Variants in TRHDE observed in about 807,000 individuals in gnomAD.
TRHDE encodes thyrotropin releasing hormone degrading enzyme, also known as thyrotropin-releasing hormone-degrading ectoenzyme.
Under a neutral mutation model 125.7 loss-of-function variants are expected in TRHDE, and 72 were observed. The ratio of observed to expected loss-of-function variants is 0.57; its 90% CI spans 0.47 to 0.70. The LOEUF is 0.70. Among genes scored for constraint, TRHDE ranks in the 30% least tolerant of loss-of-function variants. The pLI, the probability that TRHDE is intolerant of heterozygous loss-of-function variation, is 0.00. For synonymous variants in TRHDE, 509 were observed against 509.1 expected, an observed-to-expected ratio of 1.00 and a Z score of 0.00; for missense variants, 1,110 against 1,327.1, an observed-to-expected ratio of 0.84 and a Z score of 2.54.
chr12:72,250,770 T>G (rs528921236), intron 2 of TRHDE, among the ~76,000 whole-genome samples: 1 of 149,872 alleles, frequency 6.7e-6, no homozygotes, highest in Admixed American at 6.7e-5. Flanking sequence ...TTAAAGCTAA[T>G]AGTGTATACT....
chr12:72,382,663 T>G (rs1007933169), intron 3 of TRHDE, among the ~76,000 whole-genome samples: 1 of 152,172 alleles, frequency 6.6e-6, no homozygotes, highest in Non-Finnish European at 1.5e-5. Flanking sequence ...TACTGAAGCT[T>G]TGGAAGGAAT....
chr12:72,345,939 A>G (rs1009331796), intron 2 of TRHDE, among the ~76,000 whole-genome samples: 8 of 152,148 alleles, frequency 5.3e-5, no homozygotes, highest in African/African-American at 1.9e-4. Context: ...ATCTGAAAGT[A>G]GAATGCATTT....
intron 2 of TRHDE, among the ~76,000 whole-genome samples, chr12:72,371,268 T>C (rs1282819011): frequency 1.3e-5 from 2 of 151,412 alleles, no homozygotes; most frequent in East Asian, 1.9e-4. Flanking sequence ...CCTTAGGACC[T>C]ATACATACCT....
chr12:72,137,749 A>C (rs942539716), intron 2 of TRHDE: 2 of 152,228 alleles, frequency 1.3e-5, no homozygotes, highest in African/African-American at 4.8e-5. Context: ...AAAAAGAAGG[A>C]AACAGCCATT....
intron 2 of TRHDE, among the ~76,000 whole-genome samples, chr12:72,316,793 G>T (rs905568367): frequency 2.0e-5 from 3 of 152,158 alleles, no homozygotes; most frequent in Non-Finnish European, 2.9e-5. Context: ...TGACTCTGTA[G>T]TCTCTCCTTG....
At chr12:72,125,668 A>G (rs1368639864) in intron 2 of TRHDE, among the ~76,000 whole-genome samples, 4 of 152,238 alleles carry the variant, frequency 2.6e-5, no homozygotes, top group Non-Finnish European at 5.9e-5. Flanking sequence ...TAAAATCTAC[A>G]TAAATGATTT....
At chr12:72,395,010 C>CTAATTGACA (rs1231282737) in intron 3 of TRHDE, among the ~76,000 whole-genome samples, 2 of 152,178 alleles carry the variant, frequency 1.3e-5, no homozygotes, top group Non-Finnish European at 2.9e-5. Flanking sequence ...TCTAATCAAG[C>CTAATTGACA]TAATTGACAT....
At chr12:72,224,799 A>G (rs1878091245) in intron 2 of TRHDE, among the ~76,000 whole-genome samples, 1 of 152,160 alleles carries the variant, frequency 6.6e-6, no homozygotes, top group African/African-American at 2.4e-5. Context: ...CATTAAAGTG[A>G]GTTATAAACA....
At chr12:72,606,478 C>T (rs565086437) in intron 12 of TRHDE, among the ~76,000 whole-genome samples, 3 of 152,220 alleles carry the variant, frequency 2.0e-5, no homozygotes, top group African/African-American at 4.8e-5. Context: ...TTACAGTTTA[C>T]GAAATACTCT....
At chr12:72,452,519 A>T (rs1875629894) in intron 3 of TRHDE, among the ~76,000 whole-genome samples, 1 of 152,106 alleles carries the variant, frequency 6.6e-6, no homozygotes. Flanking sequence ...CTTGTTCTGG[A>T]TTTCAGAGGA....
intron 2 of TRHDE, among the ~76,000 whole-genome samples, chr12:72,323,587 G>A (rs1869198033): frequency 6.6e-6 from 1 of 152,064 alleles, no homozygotes; most frequent in South Asian, 2.1e-4. Flanking sequence ...TCCACAAATG[G>A]CTGGATTATA....
rs79350221 is a variant in TRHDE at position 72,169,139 on chromosome 12, C to CT, written n.279+63402dup. 6.6e-3 allele frequency among the ~76,000 whole-genome samples: 921 copies of CT among 140,448 alleles called. 5 individuals are homozygous for CT. The highest frequency in any genetic ancestry group is 0.017 in the African/African-American group (646 of 38,482). The allele number at this position is 140,448 out of a possible 152,430, so 92.1% of individuals were successfully genotyped here. ...TCTCAAGTTATGTCAATGAAACAGA[C>CT]TTTTTTTTTTTTTTTAAAGAAGACC... On this transcript the variant is annotated intron_variant and non_coding_transcript_variant, in intron 2 of 4. Transcript: ENST00000548156.
At chr12:72,533,760 A>G (rs1050988008) in intron 6 of TRHDE, among the ~76,000 whole-genome samples, 1 of 91,662 alleles carries the variant, frequency 1.1e-5, no homozygotes, top group Non-Finnish European at 2.3e-5. Flanking sequence ...TTATCCTTCT[A>G]TGTACATTCA....
At chr12:72,455,592 T>A (rs557278935) in intron 3 of TRHDE, among the ~76,000 whole-genome samples, 2 of 152,110 alleles carry the variant, frequency 1.3e-5, no homozygotes, top group Admixed American at 1.3e-4. Context: ...CAAATGGAAG[T>A]GTTGGGGATG....
At chr12:72,262,800 A>G (rs1475291005) in intron 2 of TRHDE, 1 of 152,170 alleles carries the variant, frequency 6.6e-6, no homozygotes, top group Non-Finnish European at 1.5e-5. Flanking sequence ...GCCATCACTC[A>G]TGAAGTTTAC....
At chr12:72,579,614 A>T (rs879421243) in intron 12 of TRHDE, among the ~76,000 whole-genome samples, 5 of 152,120 alleles carry the variant, frequency 3.3e-5, no homozygotes, top group African/African-American at 1.2e-4. Flanking sequence ...TTTTTAATAT[A>T]TATGTCAAGG....
At chr12:72,309,237 C>A (rs1406201230) in intron 2 of TRHDE, among the ~76,000 whole-genome samples, 1 of 151,970 alleles carries the variant, frequency 6.6e-6, no homozygotes, top group Non-Finnish European at 1.5e-5. Context: ...GTTTGAGAAA[C>A]AAAGAAGAGG....
intron 1 of TRHDE, among the ~76,000 whole-genome samples, chr12:72,087,899 GAGT>G (rs1874705458): frequency 6.6e-6 from 1 of 152,156 alleles, no homozygotes; most frequent in South Asian, 2.1e-4. Flanking sequence ...AGAACAGGAG[GAGT>G]AGGACTGCAG....
intron 2 of TRHDE, among the ~76,000 whole-genome samples, chr12:72,191,203 T>C (rs770860023): frequency 1.3e-5 from 2 of 152,330 alleles, no homozygotes; most frequent in Middle Eastern, 3.4e-3. Flanking sequence ...CTCTATTGAA[T>C]ACTGGTTAGT....
Sources: gnomAD v4.1 joint callset for allele counts (sites outside exome capture counted in the v4.1 genomes callset) on GRCh38, gnomAD v4.1.1 for gene constraint, MANE v1.5 for transcripts, NCBI Gene and HGNC (gene_info 2026-07-23, HGNC 2026-07-21) for gene names.